Variants in AGBL1 observed in about 807,000 individuals in gnomAD.
The protein encoded by AGBL1 is AGBL carboxypeptidase 1.
AGBL1 carries 130 observed loss-of-function variants against 118.9 expected under a neutral mutation model. The ratio of observed to expected loss-of-function variants is 1.09; its 90% CI spans 0.95 to 1.26. The LOEUF is 1.26. AGBL1 is among the 50% of genes most tolerant of loss of function. The pLI is 0.00. For synonymous variants in AGBL1, 555 were observed against 478.9 expected (o/e 1.16, Z -2.08); for missense variants, 1,584 against 1,298.1 (o/e 1.22, Z -3.38).
At chr15:86,840,863 G>T (rs945854853) in intron 22 of AGBL1, among the ~76,000 whole-genome samples, 1 of 151,920 alleles carries the variant, frequency 6.6e-6, no homozygotes, top group African/African-American at 2.4e-5. Context: ...GTTTCCCTAG[G>T]TCATGTCCCA....
At chr15:86,665,215 A>C (rs1431766975) in intron 21 of AGBL1, among the ~76,000 whole-genome samples, 3 of 152,196 alleles carry the variant, frequency 2.0e-5, no homozygotes, top group Non-Finnish European at 2.9e-5. Flanking sequence ...AGACTGGTGC[A>C]CATTTTGGAC....
chr15:86,920,767 G>A (rs2080474773), downstream of AGBL1, among the ~76,000 whole-genome samples: 1 of 152,212 alleles, frequency 6.6e-6, no homozygotes, highest in African/African-American at 2.4e-5. Context: ...GGATTGAGTT[G>A]TGATTTGAAC....
chr15:86,199,872 T>C (rs938532136), intron 5 of AGBL1, among the ~76,000 whole-genome samples: 1 of 152,198 alleles, frequency 6.6e-6, no homozygotes, highest in Admixed American at 6.5e-5. Flanking sequence ...AAAGTCACCT[T>C]AGTCAAGCCA....
intron 17 of AGBL1, chr15:86,305,016 TC>T (rs1239031194): frequency 6.6e-6 from 1 of 152,152 alleles, no homozygotes; most frequent in Admixed American, 6.6e-5. Context: ...CAGATGCCTT[TC>T]TCTTTCAGGA....
At chr15:86,693,242 C>T (rs1013690332) in intron 22 of AGBL1, among the ~76,000 whole-genome samples, 3 of 152,186 alleles carry the variant, frequency 2.0e-5, no homozygotes, top group African/African-American at 7.2e-5. Context: ...TAAAAGTATT[C>T]TCTTTTCACT....
chr15:86,746,882 C>T (rs1361669041), intron 22 of AGBL1, among the ~76,000 whole-genome samples: 2 of 152,034 alleles, frequency 1.3e-5, no homozygotes, highest in Admixed American at 1.3e-4. Context: ...GTAAACATTA[C>T]AAGAGACCCT....
chr15:87,021,580 T>A (rs1420271530), intron 24 of AGBL1, among the ~76,000 whole-genome samples: 1 of 152,052 alleles, frequency 6.6e-6, no homozygotes, highest in Admixed American at 6.6e-5. Flanking sequence ...AGGAGAAAAT[T>A]TTTGCAATCT....
chr15:86,745,958 G>A lies in AGBL1; in HGVS notation c.3158+71522G>A, dbSNP rs558212040. Reference sequence around the variant, plus strand: ...AAGATACTCTGATGTCTCTCTTTCAGGTAGAGAATACAGCTCCCATTCTTT... The same window carrying A: ...AAGATACTCTGATGTCTCTCTTTCAAGTAGAGAATACAGCTCCCATTCTTT... On this transcript the variant is annotated intron_variant, in intron 22 of 22. Coordinates refer to ENST00000614907, the MANE Select transcript of AGBL1 (RefSeq NM_001386094.1). Among the ~76,000 whole-genome samples, 7 of 152,146 alleles carry A rather than the reference G, an allele frequency of 4.6e-5. No individual in the cohort carries two copies. The South Asian group carries it at 1.5e-3, about 32-fold the overall frequency.
chr15:86,663,974 G>T (rs1358162254), intron 21 of AGBL1, among the ~76,000 whole-genome samples: 1 of 152,126 alleles, frequency 6.6e-6, no homozygotes, highest in East Asian at 1.9e-4. Context: ...AGAGGGTTTT[G>T]CTGTCTGCTG....
chr15:86,466,839 A>T (rs2082414354), intron 18 of AGBL1, among the ~76,000 whole-genome samples: 1 of 152,190 alleles, frequency 6.6e-6, no homozygotes, highest in Admixed American at 6.5e-5. Context: ...CAGAACAGCA[A>T]AAATTGCTGC....
chr15:86,833,950 T>G (rs1320229319), intron 22 of AGBL1, among the ~76,000 whole-genome samples: 2 of 152,132 alleles, frequency 1.3e-5, no homozygotes, highest in Non-Finnish European at 2.9e-5. Flanking sequence ...AAAAAAGAAG[T>G]CTGGTGCCAG....
chr15:86,498,334 G>T (rs1417415581), intron 18 of AGBL1, among the ~76,000 whole-genome samples: 1 of 151,830 alleles, frequency 6.6e-6, no homozygotes, highest in Non-Finnish European at 1.5e-5. Flanking sequence ...ACCATGACAG[G>T]TACTAAATAC....
intron 22 of AGBL1, among the ~76,000 whole-genome samples, chr15:86,875,982 T>A (rs1440052105): frequency 6.6e-6 from 1 of 152,154 alleles, no homozygotes; most frequent in East Asian, 1.9e-4. Context: ...ATCCCTTGAC[T>A]CATAAAACAT....
chr15:86,807,608 G>C (rs536481380), intron 22 of AGBL1, among the ~76,000 whole-genome samples: 2 of 152,108 alleles, frequency 1.3e-5, no homozygotes, highest in Admixed American at 1.3e-4. Flanking sequence ...TGGAAGTCCT[G>C]GGTGTTGTGG....
At position 86,999,769 on chromosome 15, in the gene AGBL1, A is replaced by G. The variant is rs1222601369; in HGVS notation, c.3323+11681A>G. 2.7e-5 allele frequency among the ~76,000 whole-genome samples: 4 copies of G among 146,632 alleles called. No individual in the cohort carries two copies. In the South Asian group the frequency reaches 9.0e-4, roughly 33 times the overall value. Reference sequence around the variant, plus strand: ...TAATGGGATGGCTGGGTCAAATGGTATTTCCAGTTCTAGATCCCTGAGGAA... The same window carrying G: ...TAATGGGATGGCTGGGTCAAATGGTGTTTCCAGTTCTAGATCCCTGAGGAA... On this transcript the variant is annotated intron_variant, in intron 24 of 24. Transcript: ENST00000441037.
At chr15:86,333,356 CAAGT>C (rs1489236562) in intron 17 of AGBL1, among the ~76,000 whole-genome samples, 3 of 152,090 alleles carry the variant, frequency 2.0e-5, no homozygotes, top group Non-Finnish European at 4.4e-5. Flanking sequence ...GGTGACATCA[CAAGT>C]AATCCCTCAG....
At chr15:86,530,509 A>G (rs370586885) in intron 19 of AGBL1, among the ~76,000 whole-genome samples, 6 of 135,720 alleles carry the variant, frequency 4.4e-5, no homozygotes, top group South Asian at 4.9e-4. Context: ...CATTAATAAT[A>G]GGAGACTTTA....
chr15:86,579,411 A>T (rs182669371), intron 21 of AGBL1, among the ~76,000 whole-genome samples: 1 of 152,342 alleles, frequency 6.6e-6, no homozygotes. Flanking sequence ...TATGACTGTT[A>T]AAAACGTGAA....
At chr15:86,788,907 G>C (rs185528734) in intron 22 of AGBL1, among the ~76,000 whole-genome samples, 1 of 152,316 alleles carries the variant, frequency 6.6e-6, no homozygotes, top group Admixed American at 6.5e-5. Context: ...GCAGGCATAA[G>C]ATTGGGGTTC....
Sources: gnomAD v4.1 joint callset for allele counts (sites outside exome capture counted in the v4.1 genomes callset) on GRCh38, gnomAD v4.1.1 for gene constraint, MANE v1.5 for transcripts, NCBI Gene and HGNC (gene_info 2026-07-23, HGNC 2026-07-21) for gene names.